The following SLC1A2 variants were observed in gnomAD, a reference collection of about 807,000 sequenced individuals.
The protein encoded by SLC1A2 is solute carrier family 1 member 2, also known as excitatory amino acid transporter 2.
Under a neutral mutation model 48.8 loss-of-function variants are expected in SLC1A2, and 15 were observed. The ratio of observed to expected loss-of-function variants is 0.31; its 90% CI spans 0.21 to 0.47. SLC1A2 has a LOEUF of 0.47. SLC1A2 is among the 20% of genes least tolerant of loss of function. SLC1A2 has a pLI of 0.99. For missense variants in SLC1A2, 502 were observed against 730.5 expected, an observed-to-expected ratio of 0.69 and a Z score of 3.61; for synonymous variants, 279 against 272.6, an observed-to-expected ratio of 1.02 and a Z score of -0.23.
intron 1 of SLC1A2, among the ~76,000 whole-genome samples, chr11:35,334,839 GTTTTGTTTTGT>G (rs1852566186): frequency 7.3e-6 from 1 of 137,230 alleles, no homozygotes; most frequent in African/African-American, 3.4e-5. Flanking sequence ...GTTTTGTTTT[GTTTTGTTTTGT>G]TTTGTTTTGT....
chr11:35,306,201 C>A lies in SLC1A2; in HGVS notation c.603G>T (p.Pro201=), dbSNP rs752949. 1 of 1,613,564 alleles carries A rather than the reference C, an allele frequency of 6.2e-7. No homozygotes were observed. The highest frequency in any genetic ancestry group is 2.2e-5 in the East Asian group (1 of 44,858). Residue 201 remains proline, a synonymous_variant, in exon 5 of 11, where the codon CCG becomes CCT. Coordinates refer to ENST00000278379, the MANE Select transcript of SLC1A2 (RefSeq NM_004171.4). ...CGCTGGTTGCGTTGGCCTCCTCGTC[C>A]GGCGGTGGTGCAACCAGGACTTTCT... ...VTKKVLVAPP[P]DEEANATSAV...
intron 1 of SLC1A2, among the ~76,000 whole-genome samples, chr11:35,342,528 T>C (rs1389469690): frequency 1.4e-5 from 2 of 138,814 alleles, no homozygotes; most frequent in East Asian, 2.2e-4. Flanking sequence ...TTTTTTGTTG[T>C]TGTTGTTGTT....
intron 1 of SLC1A2, among the ~76,000 whole-genome samples, chr11:35,355,204 T>C (rs986195913): frequency 6.6e-6 from 1 of 152,190 alleles, no homozygotes; most frequent in Non-Finnish European, 1.5e-5. Context: ...ACCTTGTTGG[T>C]AGAGAGACTT....
chr11:35,405,650 T>A (rs1223206180), intron 1 of SLC1A2, among the ~76,000 whole-genome samples: 1 of 152,212 alleles, frequency 6.6e-6, no homozygotes, highest in Admixed American at 6.5e-5. Context: ...TTAAAAGAAC[T>A]GCAGATACAG....
chr11:35,333,034 C>T (rs1476992454), intron 1 of SLC1A2, among the ~76,000 whole-genome samples: 1 of 152,174 alleles, frequency 6.6e-6, no homozygotes, highest in Admixed American at 6.5e-5. Flanking sequence ...CTGGAGTGGT[C>T]TCATTCCCCA....
At position 35,292,377 on chromosome 11, in the gene SLC1A2, A is replaced by G. The variant is rs757250961; in HGVS notation, c.1001T>C (p.Leu334Ser). The G allele has an allele frequency of 5.0e-6, 8 of 1,614,050 alleles. No individual in the cohort carries two copies. The South Asian group carries it at 8.8e-5, about 18-fold the overall frequency. Reference sequence around the variant, plus strand: ...TTTCCTGGTCACTACAAAGTAAATCAAGGGGAGAAAGATGCCCCCGTGGAT... The same window carrying G: ...TTTCCTGGTCACTACAAAGTAAATCGAGGGGAGAAAGATGCCCCCGTGGAT... ...LIIHGGIFLP[L>S]IYFVVTRKNP... Residue 334 changes from leucine (L) to serine (S), a missense_variant, in exon 7 of 11, where the codon TTG becomes TCG. This residue lies in a region of SLC1A2 where 309 missense variants were observed against 480.3 expected (regional missense o/e 0.64). Transcript: ENST00000278379.
chr11:35,320,185 G>T (rs1852009698), intron 1 of SLC1A2, among the ~76,000 whole-genome samples: 1 of 152,124 alleles, frequency 6.6e-6, no homozygotes, highest in South Asian at 2.1e-4. Context: ...TTTAAAAAAT[G>T]TGTTCACACA....
chr11:35,252,084 C>T lies in SLC1A2; in HGVS notation c.*8810G>A, dbSNP rs978491467. Reference sequence around the variant, plus strand: ...CCCCTCTACAACCGCATAAGCTGTACACTCACTATTCCTGTGCTTCTAGTG... The same window carrying T: ...CCCCTCTACAACCGCATAAGCTGTATACTCACTATTCCTGTGCTTCTAGTG... On this transcript the variant is annotated 3_prime_UTR_variant, in exon 11 of 11. Transcript: ENST00000278379. 6.6e-6 allele frequency: 1 copy of T among 152,616 alleles called. No individual in the cohort carries two copies. The allele number at this position is 152,616 out of a possible 1,614,324, so 9.5% of individuals were successfully genotyped here. A position where few individuals can be genotyped will look rare whatever the true frequency, so the allele number is the denominator to read the frequency against.
At chr11:35,271,685 T>C (rs956227703) in intron 9 of SLC1A2, among the ~76,000 whole-genome samples, 3 of 151,906 alleles carry the variant, frequency 2.0e-5, no homozygotes, top group Admixed American at 6.6e-5. Context: ...CTACTAAAAA[T>C]GCAAAAAATT....
intron 9 of SLC1A2, among the ~76,000 whole-genome samples, chr11:35,275,019 T>C: frequency 6.6e-6 from 1 of 152,236 alleles, no homozygotes; most frequent in Middle Eastern, 3.2e-3. Context: ...GGAGAGTCCC[T>C]GGAGATTGCA....
intron 1 of SLC1A2, among the ~76,000 whole-genome samples, chr11:35,367,035 A>G (rs1366767251): frequency 1.3e-5 from 2 of 152,228 alleles, no homozygotes; most frequent in Non-Finnish European, 2.9e-5. Flanking sequence ...AACTGACTCT[A>G]TCATAGCAGA....
intron 1 of SLC1A2, among the ~76,000 whole-genome samples, chr11:35,335,167 T>TG: frequency 6.6e-6 from 1 of 152,218 alleles, no homozygotes; most frequent in Non-Finnish European, 1.5e-5. Flanking sequence ...TATGCATTGA[T>TG]GGGGGGGAAG....
chr11:35,412,771 A>G (rs1677549710), intron 1 of SLC1A2, among the ~76,000 whole-genome samples: 1 of 152,242 alleles, frequency 6.6e-6, no homozygotes. Flanking sequence ...GCTCAGCTAC[A>G]TTTGCCACTA....
At position 35,400,843 on chromosome 11, in the gene SLC1A2, C is replaced by A. The variant is rs148788938; in HGVS notation, c.17+18107G>T. ...CGAGTGACTATGGCCCGTGACATAA[C>A]CCCAGGAGATCCTGAGAACATGTGC... On this transcript the variant is annotated intron_variant, in intron 1 of 10. Transcript: ENST00000278379. Among the ~76,000 whole-genome samples the A allele has an allele frequency of 4.6e-5, 7 of 152,288 alleles. No homozygotes were observed. In the East Asian group the frequency reaches 1.3e-3, roughly 29 times the overall value.
rs920861592 is a variant in SLC1A2 at position 35,418,904 on chromosome 11, G to A, written c.17+46C>T. ...TCCCGGATAGGGGCGCCACCACCCC[G>A]CGCGTGACCCCGCTTTCCCGCGGGT... On this transcript the variant is annotated intron_variant, in intron 1 of 10. Transcript: ENST00000278379. The A allele has an allele frequency of 3.2e-6, 5 of 1,539,388 alleles. No homozygotes were observed. The Admixed American group carries it at 5.9e-5, about 18-fold the overall frequency.
chr11:35,314,575 T>C (rs1851808926), intron 3 of SLC1A2, among the ~76,000 whole-genome samples: 2 of 151,878 alleles, frequency 1.3e-5, no homozygotes, highest in Non-Finnish European at 2.9e-5. Flanking sequence ...TAGCCAGGCA[T>C]GATGGCACAT....
intron 8 of SLC1A2, among the ~76,000 whole-genome samples, chr11:35,284,571 T>G (rs1468594526): frequency 1.4e-5 from 2 of 139,122 alleles, no homozygotes; most frequent in African/African-American, 5.4e-5. Context: ...GTGTGTGTAT[T>G]AAACATGGTG....
intron 9 of SLC1A2, among the ~76,000 whole-genome samples, chr11:35,272,633 C>T (rs1235593003): frequency 6.6e-6 from 1 of 152,240 alleles, no homozygotes; most frequent in Non-Finnish European, 1.5e-5. Flanking sequence ...TTCATTTTCT[C>T]TCACAATCAT....
rs553843417 is a variant in SLC1A2 at position 35,280,807 on chromosome 11, T to C, written c.1421+60A>G. 126 of 1,232,800 alleles carry C rather than the reference T, an allele frequency of 1.0e-4. 3 individuals carry two copies. The South Asian group carries it at 1.9e-3, about 18-fold the overall frequency. 76.4% of individuals were successfully genotyped at this position (1,232,800 alleles called of 1,614,324 possible). ...AGATCTTGGTTGCAACCTTGCCACC[T>C]GTGCATCCCTAGGAGGCAGTACTCA... On this transcript the variant is annotated intron_variant, in intron 9 of 10. Coordinates refer to ENST00000278379, the MANE Select transcript of SLC1A2 (RefSeq NM_004171.4).
Sources: allele counts gnomAD v4.1 joint callset (sites outside exome capture counted in the v4.1 genomes callset), GRCh38; gene constraint gnomAD v4.1.1; regional missense constraint gnomAD v4.1.1; transcripts MANE v1.5; gene names NCBI Gene and HGNC (gene_info 2026-07-23, HGNC 2026-07-21).